The following CEP295 variants were observed in gnomAD, a reference collection of about 807,000 sequenced individuals.
CEP295 encodes the protein centrosomal protein of 295 kDa.
CEP295 carries 190 observed loss-of-function variants against 291.6 expected under a neutral mutation model. That is an observed-to-expected ratio of 0.65 (90% CI 0.58 to 0.73). The LOEUF (loss-of-function observed/expected upper bound fraction) is 0.73, where lower values mean the gene tolerates loss of function less well. Ranked by LOEUF, CEP295 falls within the 30% of genes least tolerant of loss-of-function variation. The pLI is 0.00. For missense variants in CEP295, 2,863 were observed against 2,949.4 expected, an observed-to-expected ratio of 0.97 and a Z score of 0.68; for synonymous variants, 993 against 1,038.8, an observed-to-expected ratio of 0.96 and a Z score of 0.85.
intron 7 of CEP295, among the ~76,000 whole-genome samples, chr11:93,682,376 G>A (rs775472195): frequency 1.3e-5 from 2 of 151,994 alleles, no homozygotes; most frequent in Non-Finnish European, 2.9e-5. Flanking sequence ...GGCGCATGCC[G>A]TCACGCCCTG....
intron 18 of CEP295, among the ~76,000 whole-genome samples, chr11:93,709,484 A>G (rs1030371926): frequency 6.6e-6 from 1 of 152,080 alleles, no homozygotes; most frequent in Non-Finnish European, 1.5e-5. Flanking sequence ...TGTGTTCTCT[A>G]TTCTGTTCCA....
chr11:93,696,253 T>A, intron 13 of CEP295, 67 bp from the exon 14 acceptor site: 1 of 849,686 alleles, frequency 1.2e-6, no homozygotes. Flanking sequence ...TATAGAACTG[T>A]ATGTAAAAAT....
rs532053326 is a variant in CEP295, at chr11:93,714,700, C to G, written c.5750-6612C>G. Among the ~76,000 whole-genome samples, 5 of 152,336 alleles carry G rather than the reference C, an allele frequency of 3.3e-5. No individual in the cohort carries two copies. In the South Asian group the frequency reaches 6.2e-4, roughly 19 times the overall value. On this transcript the variant is annotated intron_variant, in intron 18 of 29. Coordinates refer to ENST00000325212, the MANE Select transcript of CEP295 (RefSeq NM_033395.2). Reference sequence around the variant, plus strand: ...TGTCTTCATTAGGGGATACCCCAAGCTCAGTAACACTGTAGTTCTTGCAGA... The same window carrying G: ...TGTCTTCATTAGGGGATACCCCAAGGTCAGTAACACTGTAGTTCTTGCAGA...
chr11:93,687,568 C>T (rs1001244265), intron 9 of CEP295, 76 bp from the exon 10 acceptor site: 8 of 767,294 alleles, frequency 1.0e-5, no homozygotes, highest in African/African-American at 1.8e-5. Flanking sequence ...TAGCAGTAAC[C>T]GAATATAAGA....
intron 12 of CEP295, among the ~76,000 whole-genome samples, chr11:93,695,291 T>G (rs556257825): frequency 6.6e-6 from 1 of 152,328 alleles, no homozygotes; most frequent in East Asian, 1.9e-4. Context: ...TTTACTTCTA[T>G]CCCTTTTTCT....
intron 17 of CEP295, among the ~76,000 whole-genome samples, chr11:93,704,209 A>C (rs1007937780): frequency 2.6e-5 from 4 of 152,166 alleles, no homozygotes; most frequent in African/African-American, 9.7e-5. Context: ...TGTCAATAGA[A>C]AGGTACTTAG....
At chr11:93,667,411 A>G (rs1235198422) in intron 2 of CEP295, among the ~76,000 whole-genome samples, 196 bp from the exon 3 acceptor site, 2 of 152,208 alleles carry the variant, frequency 1.3e-5, no homozygotes, top group Non-Finnish European at 2.9e-5. Flanking sequence ...GACATTAGAT[A>G]TAGTCTTGAG....
In CEP295 at chr11:93,699,786, C is replaced by G. The variant is rs1180821541; in HGVS notation, c.4874C>G (p.Ser1625Cys). 5.2e-6 allele frequency: 8 copies of G among 1,552,204 alleles called. No individual in the cohort carries two copies. Among genetic ancestry groups the G allele is most frequent in the Admixed American group, 2.0e-5 (1 of 51,006 alleles). ...YSYEKPQEEL[S>C]LNKQRKLNKS... is the part of the protein sequence containing the mutation. ...TATGAGAAACCCCAGGAAGAACTGTCTTTAAACAAACAAAGAAAGTTGAAC... is the reference window on the plus strand; with the variant it reads ...TATGAGAAACCCCAGGAAGAACTGTGTTTAAACAAACAAAGAAAGTTGAAC... Residue 1625 changes from serine (S) to cysteine (C), a missense_variant, in exon 15 of 30, where the codon TCT becomes TGT. Around this residue, in one of 3 missense-constraint regions of CEP295, gnomAD observed 2,295 missense variants for 2,335.7 expected, o/e 0.98. Transcript: ENST00000325212.
rs534308371 is a variant in CEP295, at chr11:93,693,288, A to G, written c.1533+1258A>G. Among the ~76,000 whole-genome samples the G allele has an allele frequency of 8.3e-4, 127 of 152,168 alleles. 1 individual carries two copies. Among genetic ancestry groups the G allele is most frequent in the African/African-American group, 3.0e-3 (123 of 41,528 alleles). On this transcript the variant is annotated intron_variant, in intron 12 of 29. Coordinates refer to ENST00000325212, the MANE Select transcript of CEP295 (RefSeq NM_033395.2). ...CCAGACTCTGTCTCAAAAAAAAAAA[A>G]TCCTCCTTAACTTATGACTTTGGTC...
rs1487221876 is a variant in CEP295 at position 93,727,231 on chromosome 11, A to T, written c.6755A>T (p.Asn2252Ile). Residue 2252 changes from asparagine (N) to isoleucine (I), a missense_variant, in exon 24 of 30, where the codon AAT (asparagine) becomes ATT (isoleucine). Physicochemically the swap from Asn to Ile is moderately radical, Grantham distance 149. Around this residue, in one of 3 missense-constraint regions of CEP295, gnomAD observed 2,295 missense variants for 2,335.7 expected, o/e 0.98. Transcript: ENST00000325212. ...SDEANVFDQLNVQHSTPCGSN... is the reference protein window; with the variant it reads ...SDEANVFDQLIVQHSTPCGSN... ...GAAGCTAATGTATTTGATCAGTTAA[A>T]TGTACAGCATAGCACTCCATGTGGT... 1 of 1,551,738 alleles carries T rather than the reference A, an allele frequency of 6.4e-7. No homozygotes were observed. The highest frequency in any genetic ancestry group is 2.4e-5 in the East Asian group (1 of 40,910).
chr11:93,666,792 A>C lies in CEP295; in HGVS notation c.85A>C (p.Arg29=). 6.5e-7 allele frequency: 1 copy of C among 1,543,520 alleles called. No homozygotes were observed. The highest frequency in any genetic ancestry group is 8.8e-7 in the Non-Finnish European group (1 of 1,140,268). Residue 29 remains arginine (R), a synonymous_variant, in exon 2 of 30, where the codon AGG becomes CGG. Coordinates refer to ENST00000325212, the MANE Select transcript of CEP295 (RefSeq NM_033395.2). ...CATTTTGAAGGAAGATTATGAAAGA[A>C]GGCGAAAACTAAGATTGCTACAGGT... The part of the protein sequence containing the change: ...AFILKEDYER[R]RKLRLLQVRE...
intron 7 of CEP295, among the ~76,000 whole-genome samples, chr11:93,681,762 G>C (rs1950980476): frequency 6.6e-6 from 1 of 151,840 alleles, no homozygotes; most frequent in African/African-American, 2.4e-5. Context: ...ATGTTGGCCA[G>C]GCTGGAACTC....
Position 93,698,523 on chromosome 11 carries a change from C to T in CEP295, c.3611C>T (p.Thr1204Ile). 3 of 1,552,052 alleles carry T rather than the reference C, an allele frequency of 1.9e-6. No individual in the cohort carries two copies. The highest frequency in any genetic ancestry group is 2.6e-6 in the Non-Finnish European group (3 of 1,147,046). ...EKRISSEQTG[T>I]SSSLSQVDES... is the part of the protein sequence containing the mutation. Reference sequence around the variant, plus strand: ...AGAATTTCTTCTGAACAGACTGGCACCTCCTCATCCCTTTCCCAGGTGGAT... The same window carrying T: ...AGAATTTCTTCTGAACAGACTGGCATCTCCTCATCCCTTTCCCAGGTGGAT... Residue 1204 changes from threonine (T) to isoleucine (I), a missense_variant, in exon 15 of 30, where the codon ACC becomes ATC. Transcript: ENST00000325212.
At position 93,669,742 on chromosome 11, in the gene CEP295, T is replaced by G; in HGVS notation, c.500T>G (p.Leu167Arg). The G allele has an allele frequency of 6.4e-7, 1 of 1,550,704 alleles. No homozygotes were observed. Among genetic ancestry groups the G allele is most frequent in the Non-Finnish European group, 8.7e-7 (1 of 1,146,190 alleles). ...GAGAGATCAGCCAAAATTACAAGTC[T>G]GCCACCTCCTCCTCCAACTCTTTTT... is the stretch of plus-strand genomic sequence containing the variant. ...EKERSAKITS[L>R]PPPPPTLFEN... Residue 167 changes from leucine (L) to arginine (R), a missense_variant, in exon 5 of 30, where the codon CTG (leucine) becomes CGG (arginine). Leu to Arg is a moderately radical substitution (Grantham distance 102, BLOSUM62 -2). Coordinates refer to ENST00000325212, the MANE Select transcript of CEP295 (RefSeq NM_033395.2).
At chr11:93,722,815 T>TG (rs1168036719) in intron 20 of CEP295, 2 of 371,696 alleles carry the variant, frequency 5.4e-6, no homozygotes, top group East Asian at 4.9e-5. Flanking sequence ...TGGAGTGCAA[T>TG]GGTGCAATCT....
intron 10 of CEP295, among the ~76,000 whole-genome samples, chr11:93,690,207 C>T (rs1266409786): frequency 1.3e-5 from 2 of 151,586 alleles, no homozygotes; most frequent in South Asian, 2.1e-4. Context: ...GTCAGGAGGT[C>T]GAGACCATCC....
Position 93,697,418 on chromosome 11 carries a change from C to T in CEP295, c.2506C>T (p.Pro836Ser). Residue 836 changes from proline (P) to serine (S), a missense_variant, in exon 15 of 30, where the codon CCG (proline) becomes TCG (serine). Pro to Ser is a moderately conservative substitution (Grantham distance 74). Transcript: ENST00000325212. Reference sequence around the variant, plus strand: ...CCAAATGCATGATAGGCCTTTGCTGCCGTCAGAGAATATCACAGCCCAGCA... The same window carrying T: ...CCAAATGCATGATAGGCCTTTGCTGTCGTCAGAGAATATCACAGCCCAGCA... ...ISQMHDRPLL[P>S]SENITAQQGN... The T allele has an allele frequency of 6.4e-7, 1 of 1,552,182 alleles. No individual in the cohort carries two copies. Among genetic ancestry groups the T allele is most frequent in the Non-Finnish European group, 8.7e-7 (1 of 1,147,088 alleles).
chr11:93,668,021 C>T (rs1379353413), intron 3 of CEP295, among the ~76,000 whole-genome samples: 1 of 151,974 alleles, frequency 6.6e-6, no homozygotes, highest in Non-Finnish European at 1.5e-5. Flanking sequence ...TAAAATTGGT[C>T]TTCCTATGAT....
At chr11:93,692,333 G>T (rs1160841030) in intron 12 of CEP295, among the ~76,000 whole-genome samples, 1 of 152,138 alleles carries the variant, frequency 6.6e-6, no homozygotes, top group Non-Finnish European at 1.5e-5. Flanking sequence ...CACAGTTTCT[G>T]ATACAATGCT....
Sources: gnomAD v4.1 joint callset for allele counts (sites outside exome capture counted in the v4.1 genomes callset) on GRCh38, gnomAD v4.1.1 for gene constraint, gnomAD v4.1.1 regional missense constraint, MANE v1.5 for transcripts, NCBI Gene and HGNC (gene_info 2026-07-23, HGNC 2026-07-21) for gene names.